MCPH1: variants seen among roughly 807,000 people sequenced by gnomAD.
MCPH1 encodes the protein microcephalin 1, also known as microcephalin.
In MCPH1, 104 loss-of-function variants were observed where a neutral mutation model predicts 84.5. The ratio of observed to expected loss-of-function variants is 1.23; its 90% CI spans 1.05 to 1.45. The LOEUF (loss-of-function observed/expected upper bound fraction) is 1.45. Among genes scored for constraint, MCPH1 ranks in the 40% most tolerant of loss-of-function variants. MCPH1 has a pLI of 0.00. For missense variants in MCPH1, 1,498 were observed against 1,005.7 expected (o/e 1.49, Z -6.62); for synonymous variants, 514 against 366.8 (o/e 1.40, Z -4.58).
Position 6,406,652 on chromosome 8 carries a change from G to C in MCPH1, c.-16G>C. On this transcript the variant is annotated 5_prime_UTR_variant, in exon 1 of 14. Coordinates refer to ENST00000344683, the MANE Select transcript of MCPH1 (RefSeq NM_024596.5). ...AAGCACCGCGTAGGCCAGCTGGCCG[G>C]ATCCCGCCGTCTGTCATGGCGGCCC... 1 of 1,611,742 alleles carries C rather than the reference G, an allele frequency of 6.2e-7. No individual in the cohort carries two copies. The highest frequency in any genetic ancestry group is 8.5e-7 in the Non-Finnish European group (1 of 1,179,404).
At chr8:6,586,430 T>C (rs1221534409) in intron 12 of MCPH1, among the ~76,000 whole-genome samples, 2 of 152,214 alleles carry the variant, frequency 1.3e-5, no homozygotes, top group African/African-American at 4.8e-5. Context: ...GCCTCCACGC[T>C]TCCCTGTGAC....
At chr8:6,462,903 G>C (rs537331090) in intron 9 of MCPH1, among the ~76,000 whole-genome samples, 24 of 152,270 alleles carry the variant, frequency 1.6e-4, no homozygotes, top group African/African-American at 5.3e-4. Flanking sequence ...ACTGTGCTTT[G>C]TTCTGCAGCT....
chr8:6,468,636 CA>C (rs1807303354), intron 9 of MCPH1, among the ~76,000 whole-genome samples: 1 of 137,526 alleles, frequency 7.3e-6, no homozygotes, highest in Non-Finnish European at 1.5e-5. Context: ...CTTGGATGTA[CA>C]TTTTTTTGGT....
intron 1 of MCPH1, among the ~76,000 whole-genome samples, chr8:6,408,113 G>C (rs1489596085): frequency 6.6e-6 from 1 of 152,200 alleles, no homozygotes; most frequent in African/African-American, 2.4e-5. Flanking sequence ...TTAAGCGTAA[G>C]AATTTGGGGA....
chr8:6,413,758 T>C (rs12546385), intron 2 of MCPH1, among the ~76,000 whole-genome samples: 1 of 145,312 alleles, frequency 6.9e-6, no homozygotes, highest in African/African-American at 2.6e-5. Flanking sequence ...AGTATCTTTT[T>C]TTTTTTTTTT....
rs765201079 is a variant in MCPH1, at chr8:6,647,385, A to C, written c.*4336A>C. On this transcript the variant is annotated 3_prime_UTR_variant, in exon 14 of 14. Transcript: ENST00000344683. ...ATTTGGCAGTTGCTTAAAAAATTGAACATTCAACTACCATATGACCCAGCA... is the reference window on the plus strand; with the variant it reads ...ATTTGGCAGTTGCTTAAAAAATTGACCATTCAACTACCATATGACCCAGCA... 2 of 152,206 alleles carry C rather than the reference A, an allele frequency of 1.3e-5. No individual in the cohort carries two copies. The highest frequency in any genetic ancestry group is 2.9e-5 in the Non-Finnish European group (2 of 68,038). 9.4% of individuals were successfully genotyped at this position (152,206 alleles called of 1,614,324 possible).
chr8:6,628,348 G>T (rs1378102551), intron 13 of MCPH1, among the ~76,000 whole-genome samples: 4 of 151,532 alleles, frequency 2.6e-5, no homozygotes, highest in Non-Finnish European at 5.9e-5. Context: ...GCAGGTGCCT[G>T]TAGTCCCAGC....
chr8:6,504,300 A>G (rs1812817998), intron 12 of MCPH1, among the ~76,000 whole-genome samples: 1 of 134,242 alleles, frequency 7.4e-6, no homozygotes, highest in Non-Finnish European at 1.5e-5. Flanking sequence ...CCTGGGCGAC[A>G]GAGTGAGACT....
intron 11 of MCPH1, among the ~76,000 whole-genome samples, chr8:6,483,467 C>T (rs568564753): frequency 5.9e-5 from 9 of 152,322 alleles, no homozygotes; most frequent in Admixed American, 3.3e-4. Flanking sequence ...TATTGGTGGA[C>T]ACACAGAACA....
intron 12 of MCPH1, among the ~76,000 whole-genome samples, chr8:6,599,491 C>T (rs958007800): frequency 2.0e-5 from 3 of 152,202 alleles, no homozygotes; most frequent in African/African-American, 4.8e-5. Context: ...AATGTTTCTA[C>T]ATTTGCCAAA....
intron 13 of MCPH1, chr8:6,625,292 T>C (rs1441685647): frequency 1.0e-6 from 1 of 985,476 alleles, no homozygotes; most frequent in South Asian, 4.7e-5. Context: ...GCAAATGCCC[T>C]GTGGCAGGCG....
chr8:6,427,167 A>G (rs995016085), intron 3 of MCPH1, among the ~76,000 whole-genome samples: 1 of 152,212 alleles, frequency 6.6e-6, no homozygotes, highest in Admixed American at 6.5e-5. Context: ...ATGGTATAAA[A>G]GATAAAATAT....
intron 4 of MCPH1, among the ~76,000 whole-genome samples, chr8:6,432,095 T>C (rs1017675252): frequency 7.9e-5 from 12 of 152,212 alleles, no homozygotes; most frequent in African/African-American, 2.2e-4. Context: ...TAAAATGCCA[T>C]AGTATTTGCA....
intron 12 of MCPH1, among the ~76,000 whole-genome samples, chr8:6,608,347 T>A (rs1829962974): frequency 6.6e-6 from 1 of 152,178 alleles, no homozygotes; most frequent in Non-Finnish European, 1.5e-5. Flanking sequence ...GAGAAATGCG[T>A]TGAGAATTGT....
chr8:6,580,954 C>T (rs1216397434), intron 12 of MCPH1, among the ~76,000 whole-genome samples: 1 of 152,114 alleles, frequency 6.6e-6, no homozygotes, highest in Non-Finnish European at 1.5e-5. Context: ...CAAATATATT[C>T]AAGAAAATGA....
At chr8:6,452,552 T>C (rs1310096280) in intron 8 of MCPH1, among the ~76,000 whole-genome samples, 1 of 152,270 alleles carries the variant, frequency 6.6e-6, no homozygotes, top group Non-Finnish European at 1.5e-5. Flanking sequence ...GACCCCCACA[T>C]TTATTTACTG....
At chr8:6,590,880 GTTGT>G (rs1170840864) in intron 12 of MCPH1, among the ~76,000 whole-genome samples, 4 of 152,088 alleles carry the variant, frequency 2.6e-5, no homozygotes, top group African/African-American at 7.2e-5. Context: ...GTCTTCTTTT[GTTGT>G]TTGTTTGTTT....
intron 3 of MCPH1, among the ~76,000 whole-genome samples, chr8:6,427,131 A>C (rs894130195): frequency 1.4e-4 from 22 of 152,240 alleles, no homozygotes; most frequent in African/African-American, 5.1e-4. Flanking sequence ...TGAAATACTT[A>C]AACATAGAAA....
intron 13 of MCPH1, 82 bp downstream of exon 13, chr8:6,621,773 C>A (rs904388429): frequency 8.2e-6 from 13 of 1,580,774 alleles, no homozygotes; most frequent in Non-Finnish European, 1.1e-5. Flanking sequence ...CAGGCTCACA[C>A]CCCCTTCCAC....
Sources: gnomAD v4.1 joint callset for allele counts (sites outside exome capture counted in the v4.1 genomes callset) on GRCh38, gnomAD v4.1.1 for gene constraint, MANE v1.5 for transcripts, NCBI Gene and HGNC (gene_info 2026-07-23, HGNC 2026-07-21) for gene names.